CDC14A: variants seen among roughly 807,000 people sequenced by gnomAD.
CDC14A encodes the protein cell division cycle 14A, also known as dual specificity protein phosphatase CDC14A.
In CDC14A, 53 loss-of-function variants were observed where a neutral mutation model predicts 74.4. That is an observed-to-expected ratio of 0.71 (90% CI 0.57 to 0.89). CDC14A has a LOEUF of 0.89. Ranked by LOEUF, CDC14A falls within the 40% of genes least tolerant of loss-of-function variation. The pLI is 0.00. For missense variants in CDC14A, 646 were observed against 713.7 expected, an observed-to-expected ratio of 0.91 and a Z score of 1.08; for synonymous variants, 247 against 258.4, an observed-to-expected ratio of 0.96 and a Z score of 0.43.
chr1:100,423,150 T>G (rs905578950), intron 4 of CDC14A, among the ~76,000 whole-genome samples: 1 of 152,204 alleles, frequency 6.6e-6, no homozygotes, highest in African/African-American at 2.4e-5. Flanking sequence ...TTTGTATTGC[T>G]CTTCACATTC....
At chr1:100,400,770 T>C (rs1428213473) in intron 4 of CDC14A, among the ~76,000 whole-genome samples, 1 of 152,218 alleles carries the variant, frequency 6.6e-6, no homozygotes, top group Non-Finnish European at 1.5e-5. Flanking sequence ...CCTCTTAACT[T>C]TTCTTGCCTG....
chr1:100,363,323 T>A (rs908658932), intron 2 of CDC14A: 2 of 152,222 alleles, frequency 1.3e-5, no homozygotes, highest in Non-Finnish European at 2.9e-5. Context: ...GGCTGCTGTT[T>A]GTTAAAAGAG....
intron 6 of CDC14A, among the ~76,000 whole-genome samples, chr1:100,441,575 A>G (rs1664932046): frequency 1.3e-5 from 2 of 152,212 alleles, no homozygotes; most frequent in Admixed American, 1.3e-4. Context: ...ACAGAGGAAA[A>G]AAAAGTGAAT....
At chr1:100,457,221 G>A (rs1193362264) in intron 8 of CDC14A, among the ~76,000 whole-genome samples, 1 of 152,074 alleles carries the variant, frequency 6.6e-6, no homozygotes, top group Non-Finnish European at 1.5e-5. Context: ...CCATTTAAAA[G>A]TTTTTATGTA....
Position 100,518,278 on chromosome 1 carries a change from T to C in CDC14A, c.1783T>C (p.Ter595GlnextTer41), listed in dbSNP as rs112245689. The C allele has an allele frequency of 1.2e-6, 2 of 1,610,828 alleles. No homozygotes were observed. Among genetic ancestry groups the C allele is most frequent in the Non-Finnish European group, 1.7e-6 (2 of 1,177,282 alleles). Residue 595 changes from the stop codon to glutamine (Q), a stop_lost, in exon 16 of 16, where the codon TAA becomes CAA. Coordinates refer to ENST00000336454, the MANE Select transcript of CDC14A (RefSeq NM_003672.4). Reference sequence around the variant, plus strand: ...CCTTCAGTCTGAATATGTTCATTACTAAGGCCTTGCCACTCCAGTGAAAGC... The same window carrying C: ...CCTTCAGTCTGAATATGTTCATTACCAAGGCCTTGCCACTCCAGTGAAAGC... ...PSLQSEYVHY[*>Q]
chr1:100,457,486 T>A (rs1666826074), intron 8 of CDC14A, among the ~76,000 whole-genome samples: 1 of 152,172 alleles, frequency 6.6e-6, no homozygotes, highest in Admixed American at 6.5e-5. Flanking sequence ...AGAGACAGGC[T>A]CTTGCTTTGT....
intron 10 of CDC14A, among the ~76,000 whole-genome samples, chr1:100,475,384 T>A (rs374257670): frequency 6.6e-6 from 1 of 152,258 alleles, no homozygotes; most frequent in African/African-American, 2.4e-5. Flanking sequence ...AACATCTCTG[T>A]CATCTTGGTG....
chr1:100,494,972 T>C (rs767532619), intron 12 of CDC14A, 42 bp downstream of exon 12: 166 of 993,588 alleles, frequency 1.7e-4, no homozygotes, highest in Non-Finnish European at 2.6e-4. Context: ...TGTGCTTCCC[T>C]TTGTGAATAG....
chr1:100,381,461 A>G (rs932293095), intron 3 of CDC14A, among the ~76,000 whole-genome samples: 11 of 152,176 alleles, frequency 7.2e-5, no homozygotes, highest in African/African-American at 2.4e-4. Flanking sequence ...GGCACATTTC[A>G]TTTTTTAGTT....
intron 15 of CDC14A, among the ~76,000 whole-genome samples, chr1:100,516,087 C>T (rs1037065693): frequency 1.3e-5 from 2 of 152,172 alleles, no homozygotes; most frequent in Non-Finnish European, 2.9e-5. Context: ...AGATTAAACA[C>T]CAGCCAGAGT....
intron 7 of CDC14A, chr1:100,443,236 G>A (rs1303282300): frequency 3.1e-6 from 1 of 323,240 alleles, no homozygotes; most frequent in East Asian, 5.2e-5. Context: ...CAATCACTTT[G>A]CACCTTTAGT....
In CDC14A at chr1:100,352,858, G is replaced by GTGAGCTTCCTGGCTCC; in HGVS notation, c.-94_-79dup. 6.3e-7 allele frequency: 1 copy of GTGAGCTTCCTGGCTCC among 1,596,078 alleles called. No individual in the cohort carries two copies. Among genetic ancestry groups the GTGAGCTTCCTGGCTCC allele is most frequent in the Non-Finnish European group, 8.5e-7 (1 of 1,172,688 alleles). On this transcript the variant is annotated 5_prime_UTR_variant, in exon 1 of 16. An upstream open reading frame in the 5' UTR loses its in-frame stop. Transcript: ENST00000336454. ...TCGGCCAGGCTTGTTGTTCGGGACT[G>GTGAGCTTCCTGGCTCC]TGAGCTTCCTGGCTCCTGGGCAGTG...
chr1:100,484,521 T>C, intron 11 of CDC14A, 70 bp downstream of exon 11: 2 of 1,489,574 alleles, frequency 1.3e-6, no homozygotes, highest in Non-Finnish European at 1.8e-6. Context: ...GTTGGACCTA[T>C]ATAACATAGC....
chr1:100,389,460 A>G (rs1034486679), intron 3 of CDC14A, among the ~76,000 whole-genome samples: 1 of 125,484 alleles, frequency 8.0e-6, no homozygotes, highest in Non-Finnish European at 1.5e-5. Flanking sequence ...TCAAAAAAAA[A>G]AAATATATAT....
At chr1:100,398,609 G>A (rs1658862848) in intron 4 of CDC14A, among the ~76,000 whole-genome samples, 1 of 152,132 alleles carries the variant, frequency 6.6e-6, no homozygotes, top group Non-Finnish European at 1.5e-5. Context: ...CACTATGGTA[G>A]GTTCTAGGGA....
At chr1:100,413,915 G>A (rs982286371) in intron 4 of CDC14A, among the ~76,000 whole-genome samples, 1 of 152,158 alleles carries the variant, frequency 6.6e-6, no homozygotes, top group African/African-American at 2.4e-5. Context: ...CATTATAGAT[G>A]TATTCCTTGA....
At chr1:100,382,007 A>G (rs1270612594) in intron 3 of CDC14A, among the ~76,000 whole-genome samples, 1 of 152,086 alleles carries the variant, frequency 6.6e-6, no homozygotes, top group African/African-American at 2.4e-5. Flanking sequence ...AATTCAAGGG[A>G]TCCATAAACC....
At chr1:100,495,720 T>G (rs1371610453) in intron 12 of CDC14A, among the ~76,000 whole-genome samples, 1 of 152,180 alleles carries the variant, frequency 6.6e-6, no homozygotes, top group Non-Finnish European at 1.5e-5. Context: ...ATGTGTAATC[T>G]GGGAGAAACT....
intron 11 of CDC14A, 36 bp downstream of exon 11, chr1:100,484,487 C>T: frequency 6.4e-7 from 1 of 1,561,522 alleles, no homozygotes; most frequent in Non-Finnish European, 8.6e-7. Context: ...CTTCTTAAAA[C>T]TGATGTTCTG....
Sources: allele counts gnomAD v4.1 joint callset (sites outside exome capture counted in the v4.1 genomes callset), GRCh38; gene constraint gnomAD v4.1.1; transcripts MANE v1.5; gene names NCBI Gene and HGNC (gene_info 2026-07-23, HGNC 2026-07-21).